USP30: variants seen among roughly 807,000 people sequenced by gnomAD.
USP30 encodes the protein ubiquitin carboxyl-terminal hydrolase 30.
USP30 carries 41 observed loss-of-function variants against 68.2 expected under a neutral mutation model. The observed-to-expected ratio is 0.60, with a 90% CI of 0.47 to 0.78. The LOEUF is 0.78. Ranked by LOEUF, USP30 falls within the 30% of genes least tolerant of loss-of-function variation. USP30 has a pLI of 0.00. For missense variants in USP30, 522 were observed against 649.4 expected, an observed-to-expected ratio of 0.80 and a Z score of 2.13; for synonymous variants, 229 against 253.7, an observed-to-expected ratio of 0.90 and a Z score of 0.93.
intron 3 of USP30, among the ~76,000 whole-genome samples, chr12:109,060,926 G>A (rs1248321623): frequency 2.0e-5 from 3 of 152,044 alleles, no homozygotes; most frequent in East Asian, 1.9e-4. Context: ...GATTACAGGC[G>A]TGAGCTACCA....
At chr12:109,048,822 G>A (rs139446347), upstream of USP30, among the ~76,000 whole-genome samples, 2 of 152,028 alleles carry the variant, frequency 1.3e-5, no homozygotes, top group African/African-American at 4.8e-5. Flanking sequence ...GGTGTGTAAC[G>A]CAATCCTTGC....
intron 3 of USP30, among the ~76,000 whole-genome samples, chr12:109,028,018 A>G (rs886674167): frequency 6.6e-6 from 1 of 152,212 alleles, no homozygotes; most frequent in Admixed American, 6.5e-5. Flanking sequence ...CCAGCAATGC[A>G]CAAGGATTCC....
chr12:109,055,396 A>ATTT lies in USP30; in HGVS notation c.84-1285_84-1284insTTT, dbSNP rs1354644947. 6.4e-4 allele frequency among the ~76,000 whole-genome samples: 26 copies of ATTT among 40,640 alleles called. No individual in the cohort carries two copies. In the East Asian group the frequency reaches 0.025, roughly 39 times the overall value. The allele number at this position is 40,640 out of a possible 152,430, so 26.7% of individuals were successfully genotyped here. A position where few individuals can be genotyped will look rare whatever the true frequency, so the allele number is the denominator to read the frequency against. ...TATATATACATATATATATATATAT[A>ATTT]TATATTTTTTTTTTTTTTTTTTTTG... On this transcript the variant is annotated intron_variant, in intron 1 of 12. Coordinates refer to ENST00000257548, the MANE Select transcript of USP30 (RefSeq NM_032663.5).
At chr12:109,040,960 A>G (rs2040560535) in intron 3 of USP30, among the ~76,000 whole-genome samples, 1 of 152,168 alleles carries the variant, frequency 6.6e-6, no homozygotes, top group Non-Finnish European at 1.5e-5. Flanking sequence ...ATTGCCCTAC[A>G]TGGTCAAAAT....
chr12:109,052,421 C>T, upstream of USP30: 2 of 370,086 alleles, frequency 5.4e-6, no homozygotes, highest in East Asian at 4.2e-5. Context: ...CAGCCCCAGG[C>T]AACTGAGCCC....
At chr12:109,084,220 C>T (rs370455010) in intron 11 of USP30, among the ~76,000 whole-genome samples, 13 of 152,250 alleles carry the variant, frequency 8.5e-5, no homozygotes, top group African/African-American at 2.4e-4. Context: ...AGAGCAAGAT[C>T]CTGTCTAAAA....
At chr12:109,067,762 G>T (rs1429917580) in intron 4 of USP30, 135 bp downstream of exon 4, 5 of 691,860 alleles carry the variant, frequency 7.2e-6, no homozygotes, top group Non-Finnish European at 1.2e-5. Context: ...TGGGACCAGA[G>T]TACCAACTTT....
At chr12:109,045,840 C>T (rs1409171853) in intron 3 of USP30, among the ~76,000 whole-genome samples, 2 of 151,990 alleles carry the variant, frequency 1.3e-5, no homozygotes, top group South Asian at 4.2e-4. Context: ...TGTATGCACA[C>T]GTATAGATCA....
intron 3 of USP30, among the ~76,000 whole-genome samples, chr12:109,031,759 AT>A (rs1290254034): frequency 6.6e-6 from 1 of 152,236 alleles, no homozygotes; most frequent in African/African-American, 2.4e-5. Flanking sequence ...CAACAAAAAA[AT>A]ATTGCATGAT....
intron 3 of USP30, among the ~76,000 whole-genome samples, chr12:109,036,482 G>A (rs2040521801): frequency 6.6e-6 from 1 of 152,022 alleles, no homozygotes; most frequent in Non-Finnish European, 1.5e-5. Flanking sequence ...ATTTTGGATA[G>A]AGATGGGGTT....
upstream of USP30, among the ~76,000 whole-genome samples, chr12:109,049,458 C>T (rs2040637976): frequency 2.0e-5 from 3 of 152,266 alleles, no homozygotes; most frequent in African/African-American, 7.2e-5. Context: ...CACCCCAAAA[C>T]AATTACAATA....
chr12:109,062,296 C>G (rs1169751125), intron 3 of USP30, among the ~76,000 whole-genome samples: 1 of 150,532 alleles, frequency 6.6e-6, no homozygotes, highest in Non-Finnish European at 1.5e-5. Context: ...AGAGAAGCGT[C>G]CATTTTAGTA....
intron 7 of USP30, 125 bp downstream of exon 7, chr12:109,073,657 CTA>C: frequency 1.3e-6 from 1 of 783,602 alleles, no homozygotes; most frequent in Admixed American, 2.3e-5. Context: ...CCTCTGCACA[CTA>C]GTGGACTGAC....
chr12:109,032,456 G>C (rs184461222), intron 3 of USP30, among the ~76,000 whole-genome samples: 1 of 152,294 alleles, frequency 6.6e-6, no homozygotes, highest in Admixed American at 6.5e-5. Context: ...AATATTATTT[G>C]TCAATAAAAA....
chr12:109,045,986 G>A (rs564664226), intron 3 of USP30, among the ~76,000 whole-genome samples: 10 of 151,988 alleles, frequency 6.6e-5, no homozygotes, highest in African/African-American at 2.4e-4. Flanking sequence ...AATCTATAGA[G>A]TGTGCCAGAA....
chr12:109,024,584 T>G (rs114617705), intron 1 of USP30, among the ~76,000 whole-genome samples: 11,261 of 150,782 alleles, frequency 0.075, 477 homozygotes, highest in Middle Eastern at 0.16. Flanking sequence ...AGTATCAACT[T>G]GGTGGGTTTA....
At chr12:109,075,794 A>G (rs2041583393) in intron 7 of USP30, among the ~76,000 whole-genome samples, 1 of 149,000 alleles carries the variant, frequency 6.7e-6, no homozygotes, top group Non-Finnish European at 1.5e-5. Flanking sequence ...TTTTTTGCAA[A>G]GTGTCTGTTC....
At chr12:109,072,281 G>GTTTTTT in intron 5 of USP30, 24 bp from the exon 6 acceptor site, 1 of 1,344,162 alleles carries the variant, frequency 7.4e-7, no homozygotes, top group Non-Finnish European at 1.0e-6. Flanking sequence ...TTTTCAGTCT[G>GTTTTTT]TTTTTTTTTT....
intron 3 of USP30, among the ~76,000 whole-genome samples, chr12:109,059,287 C>T (rs1329428605): frequency 6.6e-6 from 1 of 152,086 alleles, no homozygotes; most frequent in African/African-American, 2.4e-5. Context: ...CTTCACCTCT[C>T]AGGTTCAAGT....
Sources: gnomAD v4.1 joint callset for allele counts (sites outside exome capture counted in the v4.1 genomes callset) on GRCh38, gnomAD v4.1.1 for gene constraint, MANE v1.5 for transcripts, NCBI Gene and HGNC (gene_info 2026-07-23, HGNC 2026-07-21) for gene names.